Variants in OSMR observed in about 807,000 individuals in gnomAD.
OSMR encodes oncostatin-M-specific receptor subunit beta.
OSMR carries 81 observed loss-of-function variants against 99.9 expected under a neutral mutation model. The observed-to-expected ratio is 0.81, with a 90% CI of 0.68 to 0.97. The LOEUF (loss-of-function observed/expected upper bound fraction) is 0.97, where lower values mean the gene tolerates loss of function less well. Ranked by LOEUF, OSMR falls within the 50% of genes least tolerant of loss-of-function variation. OSMR has a pLI of 0.00. For synonymous variants in OSMR, 406 were observed against 410.4 expected (o/e 0.99, Z 0.13); for missense variants, 1,099 against 1,153.4 (o/e 0.95, Z 0.68).
chr5:38,864,407 C>T (rs753235613), intron 1 of OSMR, among the ~76,000 whole-genome samples: 6 of 152,166 alleles, frequency 3.9e-5, no homozygotes, highest in Middle Eastern at 3.4e-3. Context: ...TCCAGATATA[C>T]GATTCCCTTA....
At chr5:38,940,122 A>G (rs1747381549), downstream of OSMR, 1 of 216,568 alleles carries the variant, frequency 4.6e-6, no homozygotes, top group East Asian at 6.4e-5. Context: ...TATTTTTCAA[A>G]GTAACAGTAA....
rs1367037459 is a variant in OSMR at position 38,870,748 on chromosome 5, G to T, written c.73+1631G>T. On this transcript the variant is annotated intron_variant, in intron 2 of 17. Transcript: ENST00000274276. ...GGGGCCTATGCAGTGGCAGAAGTGAGCAGGTAGGGGTCTGCATACTCACTT... is the reference window on the plus strand; with the variant it reads ...GGGGCCTATGCAGTGGCAGAAGTGATCAGGTAGGGGTCTGCATACTCACTT... 2.6e-5 allele frequency among the ~76,000 whole-genome samples: 4 copies of T among 152,234 alleles called. 1 individual carries two copies. In the East Asian group the frequency reaches 7.7e-4, roughly 29 times the overall value.
chr5:38,933,039 G>T lies in OSMR; in HGVS notation c.2535G>T (p.Lys845Asn). ...ACCTTTATCTCCTTCCAACAGAAAA[G>T]AATCACTCTGGCCCTGGCCCCTGCA... Reference protein sequence around the residue: ...PNYLYLLPTEKNHSGPGPCIC... With the variant: ...PNYLYLLPTENNHSGPGPCIC... The change falls in exon 18 of 18, where the codon AAG becomes AAT. Residue 845 changes from lysine (K) to asparagine (N), a missense_variant. Lys to Asn is a moderately conservative substitution (Grantham distance 94, BLOSUM62 0). Transcript: ENST00000274276. The T allele has an allele frequency of 1.2e-6, 2 of 1,614,142 alleles. No homozygotes were observed. The highest frequency in any genetic ancestry group is 1.1e-5 in the South Asian group (1 of 91,074).
rs868517685 is a variant in OSMR, at chr5:38,862,331, C to T, written c.-13-6701C>T. On this transcript the variant is annotated intron_variant, in intron 1 of 17. Coordinates refer to ENST00000274276, the MANE Select transcript of OSMR (RefSeq NM_003999.3). ...CTCCCTCCCGGACGGGGTGGCTGGCCGGGCAGAGGGGCTCCTCACTTCCCA... is the reference window on the plus strand; with the variant it reads ...CTCCCTCCCGGACGGGGTGGCTGGCTGGGCAGAGGGGCTCCTCACTTCCCA... Among the ~76,000 whole-genome samples, 264 of 99,268 alleles carry T rather than the reference C, an allele frequency of 2.7e-3. 20 individuals carry two copies. The highest frequency in any genetic ancestry group is 0.011 in the African/African-American group (250 of 22,686). The allele number at this position is 99,268 out of a possible 152,430, so 65.1% of individuals were successfully genotyped here. A position where few individuals can be genotyped will look rare whatever the true frequency, so the allele number is the denominator to read the frequency against.
At chr5:38,885,001 C>T (rs1743591945) in intron 5 of OSMR, among the ~76,000 whole-genome samples, 1 of 152,148 alleles carries the variant, frequency 6.6e-6, no homozygotes, top group Non-Finnish European at 1.5e-5. Context: ...GACTGATTTC[C>T]TTGCATCCCC....
chr5:38,924,233 C>T (rs774858113), intron 13 of OSMR, 189 bp from the exon 14 acceptor site: 8 of 825,654 alleles, frequency 9.7e-6, no homozygotes, highest in Non-Finnish European at 5.8e-6. Context: ...CAAGATTGCT[C>T]AACTCCTTCA....
chr5:38,902,291 A>G (rs1744945196), intron 7 of OSMR, among the ~76,000 whole-genome samples: 1 of 152,210 alleles, frequency 6.6e-6, no homozygotes, highest in Non-Finnish European at 1.5e-5. Context: ...TTGGGGGAAC[A>G]TACCCCTTCA....
chr5:38,853,785 C>T (rs1020675238), intron 1 of OSMR, among the ~76,000 whole-genome samples: 1 of 152,114 alleles, frequency 6.6e-6, no homozygotes, highest in African/African-American at 2.4e-5. Flanking sequence ...TCAGCTAATT[C>T]AATTTTATAA....
chr5:38,942,442 T>C, intron 1 of OSMR: 4 of 889,292 alleles, frequency 4.5e-6, no homozygotes, highest in Non-Finnish European at 6.7e-6. Flanking sequence ...CATATTTATA[T>C]AAATATCTAA....
At chr5:38,944,703 G>T in intron 2 of OSMR, 1 of 907,638 alleles carries the variant, frequency 1.1e-6, no homozygotes, top group Non-Finnish European at 1.6e-6. Flanking sequence ...CATTTTGGGA[G>T]CAAAACTCTA....
chr5:38,854,535 C>A (rs752568084), intron 1 of OSMR, among the ~76,000 whole-genome samples: 15 of 151,826 alleles, frequency 9.9e-5, no homozygotes, highest in Admixed American at 9.8e-4. Flanking sequence ...TTTTGCCCTG[C>A]AGAGAAGGAA....
At chr5:38,853,314 G>A (rs1249528374) in intron 1 of OSMR, among the ~76,000 whole-genome samples, 1 of 152,170 alleles carries the variant, frequency 6.6e-6, no homozygotes, top group Non-Finnish European at 1.5e-5. Flanking sequence ...GCTGTATGTA[G>A]GTTCTCATAA....
rs959744689 is a variant in OSMR at position 38,932,621 on chromosome 5, G to T, written c.2367+86G>T. On this transcript the variant is annotated intron_variant, in intron 17 of 17. Transcript: ENST00000274276. ...GCTGTCAGAATCCTACTTTCCTAGA[G>T]CTCCTCAGGAAAATATAGCACAGTA... The T allele has an allele frequency of 2.6e-6, 4 of 1,568,116 alleles. No individual in the cohort carries two copies. In the South Asian group the frequency reaches 4.6e-5, roughly 18 times the overall value.
rs540218832 is a variant in OSMR, at chr5:38,924,510, A to G, written c.1959A>G (p.Gln653=). 12 of 1,614,136 alleles carry G rather than the reference A, an allele frequency of 7.4e-6. No individual in the cohort carries two copies. In the African/African-American group the frequency reaches 1.1e-4, roughly 14 times the overall value. ...GGAAAGATTACTCTACTGAATCTCA[A>G]CCTGGTTTTATACAAGGGTACCATG... The part of the protein sequence containing the change: ...LSWKDYSTES[Q]PGFIQGYHVY... Residue 653 remains glutamine, a synonymous_variant, in exon 14 of 18, where the codon CAA becomes CAG. Transcript: ENST00000274276.
chr5:38,916,006 T>C (rs775884532), intron 9 of OSMR, among the ~76,000 whole-genome samples: 3 of 152,232 alleles, frequency 2.0e-5, no homozygotes, highest in Non-Finnish European at 1.5e-5. Flanking sequence ...ATGAATGTTT[T>C]AAATTCTCTT....
rs774417240 is a variant in OSMR, at chr5:38,932,951, C to A, written c.2447C>A (p.Thr816Lys). 18 of 1,614,012 alleles carry A rather than the reference C, an allele frequency of 1.1e-5. No individual in the cohort carries two copies. The highest frequency in any genetic ancestry group is 1.1e-5 in the South Asian group (1 of 91,086). The stretch of plus-strand genomic sequence containing the variant: ...GAAGTTGTAAGCAAGCCAGAAGGGA[C>A]AAAGATACAGTTCCTAGGCACTAGG... ...AIEVVSKPEG[T>K]KIQFLGTRKS... The change falls in exon 18 of 18, where the codon ACA (threonine) becomes AAA (lysine). Residue 816 changes from threonine (T) to lysine (K), a missense_variant. Physicochemically the swap from Thr to Lys is moderately conservative, Grantham distance 78 (BLOSUM62 -1). Coordinates refer to ENST00000274276, the MANE Select transcript of OSMR (RefSeq NM_003999.3).
chr5:38,871,105 C>A (rs1304212933), intron 2 of OSMR, among the ~76,000 whole-genome samples: 1 of 152,216 alleles, frequency 6.6e-6, no homozygotes, highest in East Asian at 1.9e-4. Flanking sequence ...AATAGTAACT[C>A]ATTCTCCTTT....
In OSMR at chr5:38,903,905, GTCAAC is replaced by G. The variant is rs776040113; in HGVS notation, c.1017_1021del (p.Asn340Ter). On this transcript the variant is annotated frameshift_variant, in exon 8 of 18. Coordinates refer to ENST00000274276, the MANE Select transcript of OSMR (RefSeq NM_003999.3). LOFTEE classifies it high-confidence loss of function. ...AGTTTATTTAATGAATCCTTTTAGT[GTCAAC>G]TTTGAAAATGTAAATGCCACAAATG... The G allele has an allele frequency of 1.9e-6, 3 of 1,612,926 alleles. No individual in the cohort carries two copies. The highest frequency in any genetic ancestry group is 2.2e-5 in the South Asian group (2 of 90,664).
At position 38,903,379 on chromosome 5, in the gene OSMR, G is replaced by A. The variant is rs548691246; in HGVS notation, c.992-503G>A. On this transcript the variant is annotated intron_variant, in intron 7 of 17. Transcript: ENST00000274276. ...AAGCATCCATCCTGGATTTTATATCGTGACAACACATGACTCGCTGCACTA... is the reference window on the plus strand; with the variant it reads ...AAGCATCCATCCTGGATTTTATATCATGACAACACATGACTCGCTGCACTA... Among the ~76,000 whole-genome samples the A allele has an allele frequency of 4.5e-4, 68 of 152,286 alleles. 1 individual carries two copies. In the South Asian group the frequency reaches 0.011, roughly 25 times the overall value.
Sources: gnomAD v4.1 joint callset for allele counts (sites outside exome capture counted in the v4.1 genomes callset) on GRCh38, gnomAD v4.1.1 for gene constraint, MANE v1.5 for transcripts, NCBI Gene and HGNC (gene_info 2026-07-23, HGNC 2026-07-21) for gene names.